GRIN2B: variants seen among roughly 807,000 people sequenced by gnomAD.
GRIN2B encodes glutamate receptor ionotropic, NMDA 2B.
Under a neutral mutation model 114.5 loss-of-function variants are expected in GRIN2B, and 5 were observed. The ratio of observed to expected loss-of-function variants is 0.04; its 90% confidence interval spans 0.02 to 0.09. GRIN2B has a LOEUF of 0.09. Among genes scored for constraint, GRIN2B ranks in the 10% least tolerant of loss-of-function variants. GRIN2B has a pLI of 1.00. For synonymous variants in GRIN2B, 787 were observed against 745.1 expected (o/e 1.06, Z -0.92); for missense variants, 1,108 against 1,943.5 (o/e 0.57, Z 8.08).
chr12:13,726,430 G>C (rs1464455046), intron 4 of GRIN2B, among the ~76,000 whole-genome samples: 3 of 151,624 alleles, frequency 2.0e-5, no homozygotes, highest in East Asian at 1.9e-4. Context: ...AGCTACTTGA[G>C]AGGCTGAAGC....
intron 2 of GRIN2B, among the ~76,000 whole-genome samples, chr12:13,916,735 A>ACACAAATGTGTGTG (rs59238170): frequency 0.045 from 4,565 of 101,814 alleles, 244 homozygotes; most frequent in African/African-American, 0.13. Context: ...ACACACACAC[A>ACACAAATGTGTGTG]TTTGTGTGTG....
chr12:13,862,589 T>C (rs909577506), intron 3 of GRIN2B, among the ~76,000 whole-genome samples: 1 of 152,204 alleles, frequency 6.6e-6, no homozygotes, highest in African/African-American at 2.4e-5. Context: ...TGTTGATTAA[T>C]AGTTGTCCAA....
intron 2 of GRIN2B, among the ~76,000 whole-genome samples, chr12:13,970,105 C>T (rs889371306): frequency 6.6e-6 from 1 of 152,182 alleles, no homozygotes; most frequent in Admixed American, 6.5e-5. Flanking sequence ...CCTGCCTCGG[C>T]CTCCCAAGGG....
intron 10 of GRIN2B, among the ~76,000 whole-genome samples, chr12:13,597,284 C>T (rs1949086405): frequency 1.3e-5 from 2 of 152,154 alleles, no homozygotes; most frequent in South Asian, 2.1e-4. Flanking sequence ...CACTGACTTC[C>T]CAAAGCTGGA....
At chr12:13,783,256 C>T (rs761800165) in intron 3 of GRIN2B, among the ~76,000 whole-genome samples, 16 of 152,060 alleles carry the variant, frequency 1.1e-4, no homozygotes, top group Non-Finnish European at 1.8e-4. Flanking sequence ...AAGACAAACA[C>T]ACACACACAC....
chr12:13,551,145 A>T lies in GRIN2B; in HGVS notation c.*11638T>A, dbSNP rs192247282. The T allele has an allele frequency of 2.9e-4, 44 of 152,236 alleles. No homozygotes were observed. In the East Asian group the frequency reaches 8.1e-3, roughly 28 times the overall value. The allele number at this position is 152,236 out of a possible 1,614,324, so 9.4% of individuals were successfully genotyped here. On this transcript the variant is annotated 3_prime_UTR_variant, in exon 14 of 14. Coordinates refer to ENST00000609686, the MANE Select transcript of GRIN2B (RefSeq NM_000834.5). ...CCTGACCCTGGGAGAGAGAGAACAG[A>T]TAAATTATTGAATCCGTGAAGGCAT...
chr12:13,623,227 C>G (rs1949534768), intron 5 of GRIN2B, among the ~76,000 whole-genome samples: 1 of 152,166 alleles, frequency 6.6e-6, no homozygotes, highest in African/African-American at 2.4e-5. Flanking sequence ...TTTATTTACT[C>G]AAGCATAGCC....
intron 2 of GRIN2B, among the ~76,000 whole-genome samples, chr12:13,908,498 A>G (rs757391096): frequency 9.8e-5 from 15 of 152,322 alleles, no homozygotes; most frequent in Middle Eastern, 3.4e-3. Flanking sequence ...AAATGTACCC[A>G]AGTTGATATG....
chr12:13,620,953 GA>G (rs35688960), intron 5 of GRIN2B, among the ~76,000 whole-genome samples: 19 of 148,932 alleles, frequency 1.3e-4, no homozygotes, highest in African/African-American at 3.5e-4. Context: ...AAACTTTTTT[GA>G]AAAAAAAAAT....
chr12:13,563,452 T>C lies in GRIN2B; in HGVS notation c.3786A>G (p.Glu1262=). ...YDISEDNSLQ[E]LDQPAAPVAV... ...CCACTGGGGCAGCCGGCTGGTCCAG[T>C]TCCTGCAGGGAGTTGTCCTCACTGA... Residue 1262 remains glutamate, a synonymous_variant, in exon 14 of 14, where the codon GAA becomes GAG. Coordinates refer to ENST00000609686, the MANE Select transcript of GRIN2B (RefSeq NM_000834.5). The C allele has an allele frequency of 6.2e-7, 1 of 1,614,144 alleles. No homozygotes were observed. The highest frequency in any genetic ancestry group is 1.1e-5 in the South Asian group (1 of 91,080).
intron 3 of GRIN2B, among the ~76,000 whole-genome samples, chr12:13,807,233 C>T (rs1864618129): frequency 6.6e-6 from 1 of 152,070 alleles, no homozygotes; most frequent in Non-Finnish European, 1.5e-5. Context: ...ACCTTCTGCC[C>T]AAACCTGCCA....
intron 5 of GRIN2B, among the ~76,000 whole-genome samples, chr12:13,660,651 T>C (rs1949912893): frequency 6.6e-6 from 1 of 152,168 alleles, no homozygotes; most frequent in South Asian, 2.1e-4. Context: ...TCTATGAATA[T>C]TAGGAAATTC....
intron 10 of GRIN2B, among the ~76,000 whole-genome samples, chr12:13,596,049 T>A (rs187004926): frequency 6.6e-6 from 1 of 152,078 alleles, no homozygotes; most frequent in African/African-American, 2.4e-5. Context: ...AAAGGCTCAC[T>A]TCCCAGAGGT....
At chr12:13,711,223 T>G (rs1159111176) in intron 4 of GRIN2B, among the ~76,000 whole-genome samples, 1 of 151,418 alleles carries the variant, frequency 6.6e-6, no homozygotes, top group Non-Finnish European at 1.5e-5. Flanking sequence ...ATACAAAAAT[T>G]AATTCAAGAT....
At chr12:13,788,225 T>C in intron 3 of GRIN2B, among the ~76,000 whole-genome samples, 1 of 152,186 alleles carries the variant, frequency 6.6e-6, no homozygotes, top group East Asian at 1.9e-4. Context: ...CTTTCCACTT[T>C]GTTCCAAAGA....
At chr12:13,881,062 G>A (rs1443361798) in intron 2 of GRIN2B, among the ~76,000 whole-genome samples, 9 of 152,044 alleles carry the variant, frequency 5.9e-5, no homozygotes, top group East Asian at 1.9e-4. Context: ...ATGTGCACAC[G>A]AGAGTATGTA....
At chr12:13,759,553 T>C (rs1219951064) in intron 3 of GRIN2B, among the ~76,000 whole-genome samples, 1 of 152,118 alleles carries the variant, frequency 6.6e-6, no homozygotes, top group African/African-American at 2.4e-5. Flanking sequence ...CCAATTAGAC[T>C]TTCAACACCA....
chr12:13,862,492 C>T (rs998671456), intron 3 of GRIN2B, among the ~76,000 whole-genome samples: 4 of 152,140 alleles, frequency 2.6e-5, no homozygotes, highest in African/African-American at 4.8e-5. Flanking sequence ...CAGACGATTA[C>T]TATGAGCCTT....
At chr12:13,749,972 G>A (rs545079367) in intron 4 of GRIN2B, among the ~76,000 whole-genome samples, 1 of 152,328 alleles carries the variant, frequency 6.6e-6, no homozygotes, top group African/African-American at 2.4e-5. Flanking sequence ...GTATGGACAA[G>A]GGAGACATCC....
Sources: gnomAD v4.1 joint callset for allele counts (sites outside exome capture counted in the v4.1 genomes callset) on GRCh38, gnomAD v4.1.1 for gene constraint, MANE v1.5 for transcripts, NCBI Gene and HGNC (gene_info 2026-07-23, HGNC 2026-07-21) for gene names.